The following JMJD1C variants were observed in gnomAD, a reference collection of about 807,000 sequenced individuals.
JMJD1C encodes jumonji domain-containing protein 1C.
A neutral mutation model predicts 245.3 loss-of-function variants in JMJD1C; 31 were observed. That is an observed-to-expected ratio of 0.13 (90% confidence interval 0.09 to 0.17). The LOEUF (loss-of-function observed/expected upper bound fraction) is 0.17. Ranked by LOEUF, JMJD1C falls within the 10% of genes least tolerant of loss-of-function variation. The probability of loss-of-function intolerance (pLI) is 1.00; values close to 1 mark genes in which losing one functional copy is unlikely to be tolerated. For synonymous variants in JMJD1C, 1,057 were observed against 1,017.4 expected, an observed-to-expected ratio of 1.04 and a Z score of -0.74; for missense variants, 2,691 against 3,000.2, an observed-to-expected ratio of 0.90 and a Z score of 2.41.
At chr10:63,329,312 A>G (rs985920362) in intron 2 of JMJD1C, among the ~76,000 whole-genome samples, 2 of 151,734 alleles carry the variant, frequency 1.3e-5, no homozygotes, top group African/African-American at 2.4e-5. Flanking sequence ...AAGAAAGAAA[A>G]AAGGAAATTA....
intron 2 of JMJD1C, among the ~76,000 whole-genome samples, chr10:63,280,497 G>T (rs1478921236): frequency 6.6e-6 from 1 of 151,972 alleles, no homozygotes; most frequent in Non-Finnish European, 1.5e-5. Flanking sequence ...TTGCAGTGGG[G>T]CGAGATGGCA....
At chr10:63,418,345 C>T (rs575628553) in intron 1 of JMJD1C, among the ~76,000 whole-genome samples, 1 of 152,282 alleles carries the variant, frequency 6.6e-6, no homozygotes, top group South Asian at 2.1e-4. Flanking sequence ...CTCATCTATC[C>T]TGCATACAGT....
intron 2 of JMJD1C, among the ~76,000 whole-genome samples, chr10:63,374,601 T>C (rs1446996934): frequency 2.0e-5 from 3 of 152,196 alleles, no homozygotes; most frequent in African/African-American, 4.8e-5. Context: ...ACTATGAATA[T>C]ACATTTTAAA....
chr10:63,305,578 C>G (rs1222056543), intron 2 of JMJD1C, among the ~76,000 whole-genome samples: 3 of 147,540 alleles, frequency 2.0e-5, no homozygotes, highest in African/African-American at 7.5e-5. Context: ...AGAGATCCTC[C>G]TACATCAGCC....
At chr10:63,250,039 T>A (rs899585017) in intron 3 of JMJD1C, among the ~76,000 whole-genome samples, 16 of 152,154 alleles carry the variant, frequency 1.1e-4, no homozygotes, top group Non-Finnish European at 2.1e-4. Context: ...AGACAGGGTT[T>A]CCCTCTGTTA....
At chr10:63,291,359 G>A (rs1335722720) in intron 2 of JMJD1C, among the ~76,000 whole-genome samples, 2 of 132,548 alleles carry the variant, frequency 1.5e-5, no homozygotes, top group Non-Finnish European at 3.2e-5. Flanking sequence ...GCTCACGCTT[G>A]TAATCCCAAC....
At chr10:63,348,577 A>AT (rs1279292882) in intron 2 of JMJD1C, among the ~76,000 whole-genome samples, 9 of 152,288 alleles carry the variant, frequency 5.9e-5, no homozygotes, top group African/African-American at 1.9e-4. Context: ...CAAAATGGAG[A>AT]TAATAAGGAT....
chr10:63,433,300 T>C (rs1950877547), intron 1 of JMJD1C, among the ~76,000 whole-genome samples: 1 of 152,134 alleles, frequency 6.6e-6, no homozygotes, highest in Admixed American at 6.5e-5. Context: ...TTCTTCATGT[T>C]GGTCAGGCTG....
chr10:63,324,721 T>C (rs1282788077), intron 2 of JMJD1C, among the ~76,000 whole-genome samples: 1 of 152,186 alleles, frequency 6.6e-6, no homozygotes, highest in Admixed American at 6.5e-5. Flanking sequence ...TAAACGTGTA[T>C]GTCAGATGGT....
At chr10:63,347,126 T>C (rs1043610478) in intron 2 of JMJD1C, among the ~76,000 whole-genome samples, 11 of 149,172 alleles carry the variant, frequency 7.4e-5, no homozygotes, top group Admixed American at 1.3e-4. Context: ...GCTGGAGTAG[T>C]GTCATGATCT....
chr10:63,400,630 T>C (rs558610205), intron 1 of JMJD1C, among the ~76,000 whole-genome samples: 1 of 152,152 alleles, frequency 6.6e-6, no homozygotes, highest in Admixed American at 6.6e-5. Flanking sequence ...TGGCACAACC[T>C]TGGCTCACTG....
intron 1 of JMJD1C, among the ~76,000 whole-genome samples, chr10:63,408,581 A>G (rs909835282): frequency 3.9e-5 from 6 of 152,074 alleles, no homozygotes; most frequent in African/African-American, 1.4e-4. Flanking sequence ...ATGCTTCCCA[A>G]ATTCTGAGGA....
chr10:63,512,303 A>G (rs1265842548), intron 1 of JMJD1C, among the ~76,000 whole-genome samples: 1 of 151,544 alleles, frequency 6.6e-6, no homozygotes, highest in Non-Finnish European at 1.5e-5. Flanking sequence ...TTTTTTTTAC[A>G]TATTTCTTAC....
At chr10:63,278,342 A>AGAG (rs1857018900) in intron 2 of JMJD1C, among the ~76,000 whole-genome samples, 3 of 94,226 alleles carry the variant, frequency 3.2e-5, no homozygotes, top group Admixed American at 2.0e-4. Flanking sequence ...AACAATTAAA[A>AGAG]GAGAATAATA....
intron 1 of JMJD1C, among the ~76,000 whole-genome samples, chr10:63,431,164 G>A (rs1182745813): frequency 2.0e-5 from 3 of 152,116 alleles, no homozygotes; most frequent in Non-Finnish European, 4.4e-5. Flanking sequence ...TGTGAAAGGA[G>A]GAAATGACAG....
intron 1 of JMJD1C, among the ~76,000 whole-genome samples, chr10:63,511,190 T>C (rs984619117): frequency 1.3e-5 from 2 of 152,230 alleles, no homozygotes; most frequent in Non-Finnish European, 2.9e-5. Flanking sequence ...TCTGGACTAG[T>C]ATCTATCATA....
At chr10:63,237,524 C>G (rs868269647) in intron 3 of JMJD1C, among the ~76,000 whole-genome samples, 2 of 152,150 alleles carry the variant, frequency 1.3e-5, no homozygotes, top group Non-Finnish European at 2.9e-5. Context: ...CAATCCAGTA[C>G]AAATTGGAAT....
At position 63,225,228 on chromosome 10, in the gene JMJD1C, A is replaced by G. The variant is rs149739932; in HGVS notation, c.448-5245T>C. Among the ~76,000 whole-genome samples the G allele has an allele frequency of 8.6e-4, 131 of 152,290 alleles. 1 individual carries two copies. Among genetic ancestry groups the G allele is most frequent in the African/African-American group, 3.1e-3 (127 of 41,566 alleles). On this transcript the variant is annotated intron_variant, in intron 3 of 25. Coordinates refer to ENST00000399262, the MANE Select transcript of JMJD1C (RefSeq NM_032776.3). ...GCTAATTGAAGAGACAGGACCCTCTATGAACCTCTCCTCCTATGTAAACTG... is the reference window on the plus strand; with the variant it reads ...GCTAATTGAAGAGACAGGACCCTCTGTGAACCTCTCCTCCTATGTAAACTG...
chr10:63,233,754 C>T lies in JMJD1C; in HGVS notation c.448-13771G>A, dbSNP rs951487344. The stretch of plus-strand genomic sequence containing the variant: ...ATATATATATATATCCACACACGCG[C>T]GTGCACACACACACACACACACACA... On this transcript the variant is annotated intron_variant, in intron 3 of 25. Coordinates refer to ENST00000399262, the MANE Select transcript of JMJD1C (RefSeq NM_032776.3). 5.3e-3 allele frequency among the ~76,000 whole-genome samples: 233 copies of T among 44,348 alleles called. 2 individuals are homozygous for T. The highest frequency in any genetic ancestry group is 0.033 in the African/African-American group (229 of 6,890). 29.1% of individuals were successfully genotyped at this position (44,348 alleles called of 152,430 possible). A position where few individuals can be genotyped will look rare whatever the true frequency, so the allele number is the denominator to read the frequency against.
Sources: gnomAD v4.1 joint callset for allele counts (sites outside exome capture counted in the v4.1 genomes callset) on GRCh38, gnomAD v4.1.1 for gene constraint, MANE v1.5 for transcripts, NCBI Gene and HGNC (gene_info 2026-07-23, HGNC 2026-07-21) for gene names.